CDC42BPB: variants seen among roughly 807,000 people sequenced by gnomAD.
CDC42BPB encodes serine/threonine-protein kinase MRCK beta.
In CDC42BPB, 37 loss-of-function variants were observed where a neutral mutation model predicts 214.9. The observed-to-expected ratio is 0.17, with a 90% CI of 0.13 to 0.23. CDC42BPB has a LOEUF of 0.23. Ranked by LOEUF, CDC42BPB falls within the 10% of genes least tolerant of loss-of-function variation. CDC42BPB has a pLI of 1.00. For synonymous variants in CDC42BPB, 931 were observed against 884.0 expected, an observed-to-expected ratio of 1.05 and a Z score of -0.94; for missense variants, 1,694 against 2,227.0, an observed-to-expected ratio of 0.76 and a Z score of 4.82.
At chr14:103,041,873 G>A in intron 1 of CDC42BPB, 1 of 421,802 alleles carries the variant, frequency 2.4e-6, no homozygotes, top group Non-Finnish European at 4.6e-6. Flanking sequence ...ACCAGGAAGG[G>A]AGACAGTTCT....
intron 1 of CDC42BPB, among the ~76,000 whole-genome samples, chr14:103,017,824 G>A (rs185317242): frequency 8.3e-4 from 126 of 152,312 alleles, no homozygotes; most frequent in African/African-American, 2.8e-3. Flanking sequence ...CAGAAAATCC[G>A]CAATGCTTCA....
rs373406958 is a variant in CDC42BPB, at chr14:102,944,518, G to T, written c.3812-31C>A. The stretch of plus-strand genomic sequence containing the variant: ...GCAAGGAGGACAAGAGCGTGAGGCC[G>T]ACGGGACAGCCAGCAGCTCCCAGGG... On this transcript the variant is annotated intron_variant, in intron 29 of 36. Transcript: ENST00000361246. This position sits in a 1 kb window ranked among gnomAD's most constrained non-coding sequence, Gnocchi z 6.6. 4 of 1,588,602 alleles carry T rather than the reference G, an allele frequency of 2.5e-6. No homozygotes were observed. Among genetic ancestry groups the T allele is most frequent in the Non-Finnish European group, 3.4e-6 (4 of 1,164,886 alleles).
intron 1 of CDC42BPB, among the ~76,000 whole-genome samples, chr14:103,050,079 T>C (rs74396414): frequency 0.025 from 3,857 of 152,282 alleles, 173 homozygotes; most frequent in African/African-American, 0.089. Context: ...TAATACTGAA[T>C]TGTGGATATC....
chr14:102,953,029 G>A (rs1216385418), intron 23 of CDC42BPB, among the ~76,000 whole-genome samples: 1 of 152,250 alleles, frequency 6.6e-6, no homozygotes, highest in African/African-American at 2.4e-5. Context: ...ATCACCGACA[G>A]GAGGACAGTT....
chr14:102,946,173 T>A (rs1304807470), intron 28 of CDC42BPB, among the ~76,000 whole-genome samples: 2 of 152,076 alleles, frequency 1.3e-5, no homozygotes, highest in Non-Finnish European at 2.9e-5. Flanking sequence ...CACGCCCAGC[T>A]ATATTTTATT....
intron 1 of CDC42BPB, among the ~76,000 whole-genome samples, chr14:103,034,713 G>A (rs1281495244): frequency 6.6e-6 from 1 of 151,916 alleles, no homozygotes; most frequent in Non-Finnish European, 1.5e-5. Context: ...AGCTACTTGG[G>A]AGGCTGAGGC....
At chr14:102,951,326 A>G (rs1362145330) in intron 24 of CDC42BPB, among the ~76,000 whole-genome samples, 2 of 152,220 alleles carry the variant, frequency 1.3e-5, no homozygotes, top group Non-Finnish European at 2.9e-5. Context: ...TCACAGACCC[A>G]TGGTCAGGAA....
At chr14:103,032,858 C>A (rs1887467752) in intron 1 of CDC42BPB, among the ~76,000 whole-genome samples, 1 of 150,684 alleles carries the variant, frequency 6.6e-6, no homozygotes, top group Non-Finnish European at 1.5e-5. Flanking sequence ...TCCTGATGAT[C>A]CACCTGCCTC....
At chr14:102,987,011 AGTAC>A (rs1894274427) in intron 5 of CDC42BPB, among the ~76,000 whole-genome samples, 1 of 152,218 alleles carries the variant, frequency 6.6e-6, no homozygotes, top group African/African-American at 2.4e-5. Flanking sequence ...CTCTGTGCTG[AGTAC>A]CACGGAAAAC....
At chr14:102,954,885 A>T in intron 21 of CDC42BPB, 197 bp from the exon 22 acceptor site, 1 of 873,522 alleles carries the variant, frequency 1.1e-6, no homozygotes, top group Non-Finnish European at 1.4e-6. Flanking sequence ...GCCTGCCCTG[A>T]GGACCCCTGC....
At chr14:102,990,038 A>G (rs923876272) in intron 5 of CDC42BPB, among the ~76,000 whole-genome samples, 8 of 152,172 alleles carry the variant, frequency 5.3e-5, no homozygotes, top group Admixed American at 2.0e-4. Context: ...CTGGGTTGCC[A>G]GCGGAGGTGG....
intron 18 of CDC42BPB, among the ~76,000 whole-genome samples, chr14:102,965,223 C>A (rs1302899485): frequency 1.3e-5 from 2 of 152,068 alleles, no homozygotes; most frequent in Non-Finnish European, 2.9e-5. Context: ...TGAGCCGCTG[C>A]GCCTGGCCTC....
chr14:102,976,311 A>G (rs2139496040), intron 9 of CDC42BPB: 1 of 607,700 alleles, frequency 1.6e-6, no homozygotes, highest in African/African-American at 2.0e-5. Flanking sequence ...CATCCCCCAC[A>G]CTTAACTATA....
At chr14:103,044,147 T>A (rs1888160246) in intron 1 of CDC42BPB, among the ~76,000 whole-genome samples, 1 of 152,224 alleles carries the variant, frequency 6.6e-6, no homozygotes, top group Non-Finnish European at 1.5e-5. Context: ...GCTCTATTAA[T>A]AAACAAAGAC....
At chr14:102,977,112 C>T (rs1358392965) in intron 9 of CDC42BPB, among the ~76,000 whole-genome samples, 3 of 152,090 alleles carry the variant, frequency 2.0e-5, no homozygotes, top group Middle Eastern at 3.4e-3. Flanking sequence ...GAGGCCGAGG[C>T]GGGGAGATCA....
intron 1 of CDC42BPB, among the ~76,000 whole-genome samples, chr14:103,052,213 A>C (rs1289406289): frequency 2.0e-5 from 3 of 152,216 alleles, no homozygotes; most frequent in Non-Finnish European, 4.4e-5. Flanking sequence ...TATTATAGTC[A>C]GTATCAAACA....
chr14:103,041,611 A>G (rs1595183547), intron 1 of CDC42BPB: 1 of 813,988 alleles, frequency 1.2e-6, no homozygotes, highest in South Asian at 1.5e-5. Context: ...TGCCCTGCAC[A>G]CCGCGTTGGG....
At chr14:102,947,843 C>A (rs889705485) in intron 26 of CDC42BPB, 41 bp from the exon 27 acceptor site, 1 of 1,609,892 alleles carries the variant, frequency 6.2e-7, no homozygotes, top group Non-Finnish European at 8.5e-7. Context: ...GAGACACGCG[C>A]ACAGGACCCA....
chr14:102,932,901 CGGGGTGGGGT>C lies in CDC42BPB; in HGVS notation c.*801_*810del, dbSNP rs1444584564. ...GGGGGGGGGGGCGGGCAGGGCGGGG[CGGGGTGGGGT>C]ATCCCAGTGGCTGCTTCGTGGCGCC... On this transcript the variant is annotated 3_prime_UTR_variant, in exon 37 of 37. Transcript: ENST00000361246. 1 of 18,326 alleles carries C rather than the reference CGGGGTGGGGT, an allele frequency of 5.5e-5. No homozygotes were observed. Among genetic ancestry groups the C allele is most frequent in the Non-Finnish European group, 1.8e-4 (1 of 5,460 alleles). 1.1% of individuals were successfully genotyped at this position (18,326 alleles called of 1,614,324 possible).
Sources: gnomAD v4.1 joint callset for allele counts (sites outside exome capture counted in the v4.1 genomes callset) on GRCh38, gnomAD v4.1.1 for gene constraint, Gnocchi (gnomAD v3.1) non-coding constraint, MANE v1.5 for transcripts, NCBI Gene and HGNC (gene_info 2026-07-23, HGNC 2026-07-21) for gene names.